Variants in EIPR1 observed in about 807,000 individuals in gnomAD.
EIPR1 encodes EARP and GARP complex-interacting protein 1.
In EIPR1, 25 loss-of-function variants were observed where a neutral mutation model predicts 48.1. The ratio of observed to expected loss-of-function variants is 0.52; its 90% CI spans 0.38 to 0.73. The LOEUF (loss-of-function observed/expected upper bound fraction) is 0.73. Among genes scored for constraint, EIPR1 ranks in the 30% least tolerant of loss-of-function variants. The pLI, the probability that EIPR1 is intolerant of heterozygous loss-of-function variation, is 0.00. For missense variants in EIPR1, 415 were observed against 506.2 expected (o/e 0.82, Z 1.73); for synonymous variants, 204 against 201.9 (o/e 1.01, Z -0.09).
chr2:3,214,237 T>C lies in EIPR1; in HGVS notation c.428A>G (p.Glu143Gly). 6.2e-7 allele frequency: 1 copy of C among 1,613,292 alleles called. No individual in the cohort carries two copies. Among genetic ancestry groups the C allele is most frequent in the Non-Finnish European group, 8.5e-7 (1 of 1,179,658 alleles). The change falls in exon 5 of 9, where the codon GAG becomes GGG. Residue 143 changes from glutamate to glycine, a missense_variant. Physicochemically the swap from Glu to Gly is moderately conservative, Grantham distance 98 (BLOSUM62 -2). Coordinates refer to ENST00000382125, the MANE Select transcript of EIPR1 (RefSeq NM_003310.5). Reference protein sequence around the residue: ...AHGNMACVVWEPMGDGKKIIS... With the variant: ...AHGNMACVVWGPMGDGKKIIS... ...GATTTTCTTCCCATCTCCCATTGGC[T>C]CCCACACGACACTAAGAGAAAGAGA...
intron 3 of EIPR1, among the ~76,000 whole-genome samples, chr2:3,304,813 C>CTCCCATCCAGTTCAGCCCTCAAG (rs1668871177): frequency 9.5e-6 from 1 of 105,746 alleles, no homozygotes; most frequent in Non-Finnish European, 2.1e-5. Flanking sequence ...CAGCCCTCCA[C>CTCCCATCCAGTTCAGCCCTCAAG]TCCCGTCCAG....
At chr2:3,294,021 T>A (rs1002778986) in intron 3 of EIPR1, among the ~76,000 whole-genome samples, 1 of 152,120 alleles carries the variant, frequency 6.6e-6, no homozygotes, top group African/African-American at 2.4e-5. Context: ...ATATCCAAAG[T>A]GCAAATAATG....
At chr2:3,205,855 ATAAGGAT>A in intron 5 of EIPR1, among the ~76,000 whole-genome samples, 1 of 152,362 alleles carries the variant, frequency 6.6e-6, no homozygotes, top group South Asian at 2.1e-4. Flanking sequence ...CTGCAGGGTT[ATAAGGAT>A]TAAAGGAGAT....
intron 3 of EIPR1, among the ~76,000 whole-genome samples, chr2:3,308,477 T>C (rs1669020714): frequency 6.6e-6 from 1 of 152,006 alleles, no homozygotes; most frequent in African/African-American, 2.4e-5. Context: ...AAATGTCCAA[T>C]TTGAACACCA....
chr2:3,255,236 G>A (rs1452362764), intron 4 of EIPR1, among the ~76,000 whole-genome samples: 1 of 150,546 alleles, frequency 6.6e-6, no homozygotes, highest in Non-Finnish European at 1.5e-5. Flanking sequence ...AGGCTGGAGT[G>A]CAGTAGCCTG....
At chr2:3,208,277 A>C in intron 5 of EIPR1, 1 of 490,478 alleles carries the variant, frequency 2.0e-6, no homozygotes, top group Non-Finnish European at 3.6e-6. Context: ...AGAGCAAGTT[A>C]TCTGAGAACC....
chr2:3,299,662 T>G (rs1572413653), intron 3 of EIPR1, among the ~76,000 whole-genome samples: 1 of 124,456 alleles, frequency 8.0e-6, no homozygotes, highest in Middle Eastern at 4.0e-3. Flanking sequence ...ACACACACTT[T>G]GAGTTATGGC....
chr2:3,325,351 G>A (rs548128161), intron 3 of EIPR1, among the ~76,000 whole-genome samples: 5 of 152,320 alleles, frequency 3.3e-5, no homozygotes, highest in South Asian at 2.1e-4. Flanking sequence ...CTCCCACTGC[G>A]GAGGAGATGA....
chr2:3,213,998 G>A lies in EIPR1; in HGVS notation c.516+151C>T, dbSNP rs187251089. 1.9e-4 allele frequency: 108 copies of A among 564,642 alleles called. 2 individuals are homozygous for A. Among genetic ancestry groups the A allele is most frequent in the Admixed American group, 1.8e-3 (58 of 32,398 alleles). The allele number at this position is 564,642 out of a possible 1,614,324, so 35.0% of individuals were successfully genotyped here. A position where few individuals can be genotyped will look rare whatever the true frequency, so the allele number is the denominator to read the frequency against. ...TATGTCTCCTAATGCTATCCCTCCC[G>A]CTCCCCCAACCCCACGACAGGCCCT... On this transcript the variant is annotated intron_variant, in intron 5 of 8. Coordinates refer to ENST00000382125, the MANE Select transcript of EIPR1 (RefSeq NM_003310.5).
chr2:3,337,109 G>C (rs559723672), intron 3 of EIPR1, among the ~76,000 whole-genome samples: 1 of 145,672 alleles, frequency 6.9e-6, no homozygotes, highest in South Asian at 2.3e-4. Flanking sequence ...AAGGGAAAGA[G>C]ATGGGAAAAG....
chr2:3,278,993 T>C (rs1667941334), intron 3 of EIPR1, among the ~76,000 whole-genome samples: 1 of 152,164 alleles, frequency 6.6e-6, no homozygotes, highest in Non-Finnish European at 1.5e-5. Flanking sequence ...TTTTTATGCC[T>C]ACAGAAGGAA....
At chr2:3,356,484 G>A (rs1436303675) in intron 1 of EIPR1, among the ~76,000 whole-genome samples, 2 of 152,232 alleles carry the variant, frequency 1.3e-5, no homozygotes, top group African/African-American at 4.8e-5. Context: ...GCTGTGACTA[G>A]CACTGCAGGC....
intron 3 of EIPR1, among the ~76,000 whole-genome samples, chr2:3,277,267 G>A (rs1667880488): frequency 2.0e-5 from 3 of 151,942 alleles, no homozygotes; most frequent in East Asian, 1.9e-4. Flanking sequence ...CACCCACGCG[G>A]CCCCACACCT....
intron 4 of EIPR1, among the ~76,000 whole-genome samples, chr2:3,231,328 T>C (rs778278030): frequency 6.6e-6 from 1 of 152,182 alleles, no homozygotes; most frequent in Non-Finnish European, 1.5e-5. Flanking sequence ...CTTTTGCCTT[T>C]TATTTCTTTT....
At chr2:3,365,952 CGGG>C in intron 1 of EIPR1, among the ~76,000 whole-genome samples, 1 of 42,922 alleles carries the variant, frequency 2.3e-5, no homozygotes, top group Non-Finnish European at 8.6e-5. Flanking sequence ...CCGCCCAGTC[CGGG>C]AGGGAGGTGG....
At chr2:3,238,590 T>C (rs564613789) in intron 4 of EIPR1, among the ~76,000 whole-genome samples, 12 of 152,324 alleles carry the variant, frequency 7.9e-5, no homozygotes, top group African/African-American at 2.9e-4. Flanking sequence ...CTCCCCACTG[T>C]CAGGAGAATT....
intron 3 of EIPR1, among the ~76,000 whole-genome samples, chr2:3,330,744 T>C (rs1037343491): frequency 3.9e-5 from 5 of 128,730 alleles, no homozygotes. Flanking sequence ...GGTAGGCACG[T>C]GTACACTCGT....
chr2:3,200,905 C>T (rs907366254), intron 5 of EIPR1, among the ~76,000 whole-genome samples: 5 of 152,056 alleles, frequency 3.3e-5, no homozygotes, highest in African/African-American at 1.2e-4. Flanking sequence ...AAAGGCTGGG[C>T]AGGTCTGGGC....
In EIPR1 at chr2:3,377,766, G is replaced by A; in HGVS notation, c.-77C>T. The stretch of plus-strand genomic sequence containing the variant: ...ACGGCCGGCGCGTCCCCACCTCGCG[G>A]GCGTGTTCCCAGCGCCCATTCATTC... On this transcript the variant is annotated 5_prime_UTR_variant, in exon 1 of 9. Transcript: ENST00000382125. 6.5e-7 allele frequency: 1 copy of A among 1,530,210 alleles called. No homozygotes were observed. Among genetic ancestry groups the A allele is most frequent in the Non-Finnish European group, 8.8e-7 (1 of 1,131,302 alleles). The allele number at this position is 1,530,210 out of a possible 1,614,324, so 94.8% of individuals were successfully genotyped here.
Sources: gnomAD v4.1 joint callset for allele counts (sites outside exome capture counted in the v4.1 genomes callset) on GRCh38, gnomAD v4.1.1 for gene constraint, MANE v1.5 for transcripts, NCBI Gene and HGNC (gene_info 2026-07-23, HGNC 2026-07-21) for gene names.